Variants in TTBK1 observed in about 807,000 individuals in gnomAD.
TTBK1 encodes the protein tau tubulin kinase 1.
Under a neutral mutation model 108.5 loss-of-function variants are expected in TTBK1, and 34 were observed. That is an observed-to-expected ratio of 0.31 (90% confidence interval 0.24 to 0.42). TTBK1 has a LOEUF of 0.42. TTBK1 is among the 10% of genes least tolerant of loss of function. TTBK1 has a pLI of 1.00. For synonymous variants in TTBK1, 809 were observed against 795.1 expected (o/e 1.02, Z -0.29); for missense variants, 1,539 against 1,826.0 (o/e 0.84, Z 2.86).
In TTBK1 at chr6:43,269,740, A is replaced by T. The variant is rs1019841452; in HGVS notation, c.1986+6390A>T. On this transcript the variant is annotated intron_variant, in intron 13 of 14. Coordinates refer to ENST00000259750, the MANE Select transcript of TTBK1 (RefSeq NM_032538.3). This position sits in a 1 kb window ranked among gnomAD's most constrained non-coding sequence, Gnocchi z 4.8. ...TTCTCCTCCTCCACGCTGGAGACGGAGCATTACCCTCACCCCGGCGGCGGC... is the reference window on the plus strand; with the variant it reads ...TTCTCCTCCTCCACGCTGGAGACGGTGCATTACCCTCACCCCGGCGGCGGC... The T allele has an allele frequency of 6.2e-7, 1 of 1,608,242 alleles. No individual in the cohort carries two copies. Among genetic ancestry groups the T allele is most frequent in the African/African-American group, 1.3e-5 (1 of 74,894 alleles).
chr6:43,244,513 G>A (rs1777037801), intron 1 of TTBK1, among the ~76,000 whole-genome samples: 1 of 152,184 alleles, frequency 6.6e-6, no homozygotes. Flanking sequence ...AGGGGTCTGA[G>A]GCGGCAGTAA....
chr6:43,283,724 G>A lies in TTBK1; in HGVS notation c.2984G>A (p.Gly995Asp). 6.2e-7 allele frequency: 1 copy of A among 1,613,840 alleles called. No homozygotes were observed. The change falls in exon 14 of 15, where the codon GGC becomes GAC. Residue 995 changes from glycine (G) to aspartate (D), a missense_variant. Around this residue, in one of 5 missense-constraint regions of TTBK1, gnomAD observed 1,055 missense variants for 1,086.5 expected, o/e 0.97. Transcript: ENST00000259750. The surrounding 1 kb of genome is among the most constrained non-coding windows in gnomAD (Gnocchi z 8.1). ...GGGCTGAATGGGGCTGAGATAGAGG[G>A]CTCTGCCCTGTCTGGGGCCCCCCGG... ...LSGLNGAEIE[G>D]SALSGAPRET...
chr6:43,281,981 C>T (rs1180030795), intron 13 of TTBK1, among the ~76,000 whole-genome samples: 1 of 152,196 alleles, frequency 6.6e-6, no homozygotes, highest in African/African-American at 2.4e-5. Context: ...ACTGCTTTGT[C>T]CATCACATTG....
chr6:43,283,867 A>G lies in TTBK1; in HGVS notation c.3127A>G (p.Arg1043Gly). Residue 1043 changes from arginine to glycine, a missense_variant, in exon 14 of 15, where the codon AGA becomes GGA. By Grantham distance (125) the Arg-to-Gly change is moderately radical (BLOSUM62 -2). Around this residue, in one of 5 missense-constraint regions of TTBK1, gnomAD observed 1,055 missense variants for 1,086.5 expected, o/e 0.97. Coordinates refer to ENST00000259750, the MANE Select transcript of TTBK1 (RefSeq NM_032538.3). This position sits in a 1 kb window ranked among gnomAD's most constrained non-coding sequence, Gnocchi z 8.1. ...SPEKVATISPRRHAMPGSRPR... is the reference protein window; with the variant it reads ...SPEKVATISPGRHAMPGSRPR... ...TGAGAAAGTGGCCACCATCTCCCCC[A>G]GACGCCATGCTATGCCAGGCTCTCG... 6.2e-7 allele frequency: 1 copy of G among 1,610,868 alleles called. No homozygotes were observed. The highest frequency in any genetic ancestry group is 8.5e-7 in the Non-Finnish European group (1 of 1,177,980).
At chr6:43,271,293 C>T (rs1390852800) in intron 13 of TTBK1, 8 of 985,310 alleles carry the variant, frequency 8.1e-6, no homozygotes, top group East Asian at 1.1e-4. Context: ...AGTGTGCTTA[C>T]GAATGAGCGT....
At chr6:43,252,652 C>T in intron 2 of TTBK1, 87 bp from the exon 3 acceptor site, 1 of 1,491,918 alleles carries the variant, frequency 6.7e-7, no homozygotes, top group Non-Finnish European at 9.1e-7. Context: ...CCCTTCCCCA[C>T]CAATGAAGGA....
In TTBK1 at chr6:43,245,880, G is replaced by A. The variant is rs139513039; in HGVS notation, c.-54-727G>A. Among the ~76,000 whole-genome samples the A allele has an allele frequency of 1.2e-3, 180 of 152,174 alleles. No homozygotes were observed. In the Middle Eastern group the frequency reaches 0.024, roughly 20 times the overall value. On this transcript the variant is annotated intron_variant, in intron 1 of 14. Transcript: ENST00000259750. Reference sequence around the variant, plus strand: ...GTCCTCCCCAGTTCAGCCCACTTCTGTCCCTCTGGAGTGGCCACAAGGTTG... The same window carrying A: ...GTCCTCCCCAGTTCAGCCCACTTCTATCCCTCTGGAGTGGCCACAAGGTTG...
chr6:43,275,510 A>C (rs1472708027), intron 13 of TTBK1, among the ~76,000 whole-genome samples: 1 of 151,196 alleles, frequency 6.6e-6, no homozygotes, highest in African/African-American at 2.4e-5. Context: ...GGACAGGCGG[A>C]GGCGTTCGGC....
intron 13 of TTBK1, among the ~76,000 whole-genome samples, chr6:43,278,130 G>A (rs1778058558): frequency 6.6e-6 from 1 of 152,160 alleles, no homozygotes. Flanking sequence ...GGGGTTAAGG[G>A]TGGGGCTATG....
chr6:43,261,828 A>AAG (rs1777547908), intron 12 of TTBK1, among the ~76,000 whole-genome samples: 2 of 150,082 alleles, frequency 1.3e-5, no homozygotes, highest in Admixed American at 1.3e-4. Flanking sequence ...AAAAAAAAAA[A>AAG]AGATAACGAC....
chr6:43,284,848 A>G, intron 14 of TTBK1, 135 bp from the exon 15 acceptor site: 1 of 1,349,298 alleles, frequency 7.4e-7, no homozygotes, highest in Non-Finnish European at 9.5e-7. Flanking sequence ...CAGTTTACCC[A>G]TCTGTGCCAT....
intron 2 of TTBK1, among the ~76,000 whole-genome samples, chr6:43,250,061 G>A (rs1777195083): frequency 7.7e-6 from 1 of 129,414 alleles, no homozygotes; most frequent in African/African-American, 2.8e-5. Context: ...TGGGTGGGGG[G>A]TGGGTGGGGA....
chr6:43,252,944 G>A (rs545196990), intron 3 of TTBK1, 58 bp downstream of exon 3: 2 of 1,590,176 alleles, frequency 1.3e-6, no homozygotes, highest in African/African-American at 2.7e-5. Context: ...GGGGCTAAGA[G>A]AGGTGATAAG....
In TTBK1 at chr6:43,257,761, G is replaced by A; in HGVS notation, c.862-51G>A. 6.4e-7 allele frequency: 1 copy of A among 1,566,988 alleles called. No individual in the cohort carries two copies. The highest frequency in any genetic ancestry group is 8.7e-7 in the Non-Finnish European group (1 of 1,150,856). On this transcript the variant is annotated intron_variant, in intron 9 of 14. Transcript: ENST00000259750. The surrounding 1 kb of genome is among the most constrained non-coding windows in gnomAD (Gnocchi z 4.5). ...TCCCAGCAACTGCCCCTTCCTCCTG[G>A]CTAGCCCCCGGATCACCTCTCTGTC...
At chr6:43,249,171 C>T (rs1777174111) in intron 2 of TTBK1, among the ~76,000 whole-genome samples, 1 of 151,996 alleles carries the variant, frequency 6.6e-6, no homozygotes, top group Admixed American at 6.6e-5. Flanking sequence ...CAATTCTAGT[C>T]CAACTCTATT....
In TTBK1 at chr6:43,276,084, G is replaced by C. The variant is rs1254365597; in HGVS notation, c.1987-6643G>C. 2.0e-5 allele frequency among the ~76,000 whole-genome samples: 3 copies of C among 152,096 alleles called. No individual in the cohort carries two copies. Among genetic ancestry groups the C allele is most frequent in the Non-Finnish European group, 2.9e-5 (2 of 68,016 alleles). On this transcript the variant is annotated intron_variant, in intron 13 of 14. Coordinates refer to ENST00000259750, the MANE Select transcript of TTBK1 (RefSeq NM_032538.3). The surrounding 1 kb of genome is among the most constrained non-coding windows in gnomAD (Gnocchi z 5.4). ...GCGGAGTAGGGGAGGGATAGGAAGG[G>C]GATTAGCGAGAGGACCCTCGCGGAG...
intron 13 of TTBK1, chr6:43,271,830 T>C (rs997402976): frequency 1.0e-6 from 1 of 984,984 alleles, no homozygotes; most frequent in African/African-American, 1.8e-5. Flanking sequence ...CTTCTCCATC[T>C]GGCAACAAAA....
rs555957876 is a variant in TTBK1 at position 43,282,762 on chromosome 6, C to T, written c.2022C>T (p.Gly674=). ...FSVAPPFEVN[G]LPRAVPLSLP... is the part of the protein sequence containing the mutation. ...TGGCGCCCCCATTTGAGGTGAATGGCCTCCCACGAGCTGTGCCTCTGAGTC... is the reference window on the plus strand; with the variant it reads ...TGGCGCCCCCATTTGAGGTGAATGGTCTCCCACGAGCTGTGCCTCTGAGTC... Residue 674 remains glycine, a synonymous_variant, in exon 14 of 15, where the codon GGC becomes GGT. Coordinates refer to ENST00000259750, the MANE Select transcript of TTBK1 (RefSeq NM_032538.3). This position sits in a 1 kb window ranked among gnomAD's most constrained non-coding sequence, Gnocchi z 5.4. 6.2e-7 allele frequency: 1 copy of T among 1,611,110 alleles called. No individual in the cohort carries two copies. Among genetic ancestry groups the T allele is most frequent in the African/African-American group, 1.3e-5 (1 of 74,664 alleles).
At chr6:43,258,426 A>G (rs990228994) in intron 10 of TTBK1, among the ~76,000 whole-genome samples, 1 of 152,054 alleles carries the variant, frequency 6.6e-6, no homozygotes, top group Non-Finnish European at 1.5e-5. Flanking sequence ...CTGGAGTTAG[A>G]AGGGGCTCTC....
Sources: allele counts gnomAD v4.1 joint callset (sites outside exome capture counted in the v4.1 genomes callset), GRCh38; gene constraint gnomAD v4.1.1; regional missense constraint gnomAD v4.1.1; non-coding constraint Gnocchi (gnomAD v3.1); transcripts MANE v1.5; gene names NCBI Gene and HGNC (gene_info 2026-07-23, HGNC 2026-07-21).